Variants in SLC67A1 observed in about 807,000 individuals in gnomAD.
SLC67A1 encodes solute carrier family 67 member A1.
At chr11:2,911,082 G>C in the SLC67A1 span, among the ~76,000 whole-genome samples, 1 of 152,182 alleles carries the variant, frequency 6.6e-6, no homozygotes, top group African/African-American at 2.4e-5. Context: ...TGGTGGCCAA[G>C]GAAGCCACAG....
At chr11:2,922,086 CTCTG>C in the SLC67A1 span, 1 of 1,601,546 alleles carries the variant, frequency 6.2e-7, no homozygotes, top group Non-Finnish European at 8.6e-7. Context: ...CTTCTACCCT[CTCTG>C]TCTGGCTCTA....
the SLC67A1 span, chr11:2,925,027 T>C: frequency 6.2e-7 from 1 of 1,612,174 alleles, no homozygotes; most frequent in Non-Finnish European, 8.5e-7. This position sits in a 1 kb window ranked among gnomAD's most constrained non-coding sequence, Gnocchi z 6.5. Context: ...GCTGGGCCTC[T>C]GCGCCTCTGT....
At chr11:2,911,775 T>G in the SLC67A1 span, among the ~76,000 whole-genome samples, 1 of 152,146 alleles carries the variant, frequency 6.6e-6, no homozygotes, top group Non-Finnish European at 1.5e-5. Flanking sequence ...ACATGCCTCC[T>G]GCAGGCCCGT....
the SLC67A1 span, among the ~76,000 whole-genome samples, chr11:2,914,201 CAA>C: frequency 6.6e-6 from 1 of 152,214 alleles, no homozygotes; most frequent in Non-Finnish European, 1.5e-5. Context: ...CAGGAGGAGA[CAA>C]AGACAAATTA....
At chr11:2,900,405 G>A in the SLC67A1 span, among the ~76,000 whole-genome samples, 1 of 152,120 alleles carries the variant, frequency 6.6e-6, no homozygotes, top group Non-Finnish European at 1.5e-5. Context: ...AGATATGGGG[G>A]AAACAGGCTG....
chr11:2,908,308 C>T, the SLC67A1 span: 1 of 1,613,620 alleles, frequency 6.2e-7, no homozygotes, highest in Non-Finnish European at 8.5e-7. Context: ...GCTGCAGCTG[C>T]TGGGCGGGCC....
chr11:2,908,621 G>A, the SLC67A1 span, among the ~76,000 whole-genome samples: 453 of 152,332 alleles, frequency 3.0e-3, no homozygotes, highest in South Asian at 0.014. Flanking sequence ...GACCAGGCAG[G>A]AGGGACTTTG....
chr11:2,908,825 C>T, the SLC67A1 span, among the ~76,000 whole-genome samples: 1 of 152,202 alleles, frequency 6.6e-6, no homozygotes, highest in Admixed American at 6.5e-5. Context: ...GGGAGGGTTT[C>T]CAGTGGCCCA....
the SLC67A1 span, chr11:2,925,098 C>T: frequency 2.5e-5 from 41 of 1,613,874 alleles, no homozygotes; most frequent in African/African-American, 1.7e-4. This position sits in a 1 kb window ranked among gnomAD's most constrained non-coding sequence, Gnocchi z 6.5. Context: ...GCAGCTTTGG[C>T]GTCCCCGTCT....
the SLC67A1 span, chr11:2,916,794 G>C: frequency 6.6e-7 from 1 of 1,514,728 alleles, no homozygotes; most frequent in Non-Finnish European, 9.2e-7. Flanking sequence ...GAAGGCATTG[G>C]CTAGGCCTGC....
At chr11:2,900,641 C>A in the SLC67A1 span, among the ~76,000 whole-genome samples, 1 of 139,896 alleles carries the variant, frequency 7.1e-6, no homozygotes, top group African/African-American at 2.7e-5. Flanking sequence ...TGCAGCGAGC[C>A]GAGATCGCGC....
chr11:2,902,423 C>A, the SLC67A1 span: 1 of 196,052 alleles, frequency 5.1e-6, no homozygotes, highest in Non-Finnish European at 9.2e-6. Flanking sequence ...AACTCCGGCG[C>A]AGCGTCGCAC....
the SLC67A1 span, chr11:2,909,621 GC>G: frequency 1.3e-6 from 2 of 1,532,464 alleles, no homozygotes; most frequent in Non-Finnish European, 1.7e-6. Flanking sequence ...CCGAGGAGCG[GC>G]CCGCGGCCCT....
the SLC67A1 span, chr11:2,925,005 C>T: frequency 2.6e-5 from 42 of 1,606,300 alleles, no homozygotes; most frequent in Non-Finnish European, 3.5e-5. The surrounding 1 kb of genome is among the most constrained non-coding windows in gnomAD (Gnocchi z 6.5). Context: ...CCATGCACCC[C>T]CCAGGGACCA....
the SLC67A1 span, chr11:2,918,202 G>A: frequency 1.2e-6 from 1 of 814,220 alleles, no homozygotes; most frequent in Admixed American, 2.7e-5. Context: ...CCACACAGAT[G>A]TGGTAGAGCA....
At chr11:2,922,196 T>C in the SLC67A1 span, 6 of 1,613,040 alleles carry the variant, frequency 3.7e-6, no homozygotes, top group South Asian at 6.6e-5. Context: ...GTGGTGGGCC[T>C]GGCCATGGTG....
chr11:2,919,509 T>A, the SLC67A1 span: 1 of 835,446 alleles, frequency 1.2e-6, no homozygotes, highest in Non-Finnish European at 2.0e-6. Context: ...TGGGGAGCCC[T>A]TGGCCTCCCA....
chr11:2,923,342 C>G, the SLC67A1 span, among the ~76,000 whole-genome samples: 226 of 136,462 alleles, frequency 1.7e-3, no homozygotes, highest in Admixed American at 4.4e-3. This position sits in a 1 kb window ranked among gnomAD's most constrained non-coding sequence, Gnocchi z 6.5. Context: ...TCCAGAAACT[C>G]AGGGCACACA....
the SLC67A1 span, chr11:2,909,519 G>A: frequency 1.4e-6 from 2 of 1,466,996 alleles, no homozygotes; most frequent in Non-Finnish European, 1.8e-6. Context: ...GGGCGGGTCA[G>A]GGGGGGAAGG....
Sources: allele counts gnomAD v4.1 joint callset (sites outside exome capture counted in the v4.1 genomes callset), GRCh38; gene constraint gnomAD v4.1.1; non-coding constraint Gnocchi (gnomAD v3.1); transcripts MANE v1.5; gene names NCBI Gene and HGNC (gene_info 2026-07-23, HGNC 2026-07-21).